Variants in LRTM1 observed in about 807,000 individuals in gnomAD.
LRTM1 encodes leucine rich repeat transmembrane protein 1.
In LRTM1, 38 loss-of-function variants were observed where a neutral mutation model predicts 32.4. The ratio of observed to expected loss-of-function variants is 1.17; its 90% CI spans 0.91 to 1.54. LRTM1 has a LOEUF of 1.54. Among genes scored for constraint, LRTM1 ranks in the 40% most tolerant of loss-of-function variants. LRTM1 has a pLI of 0.00. For missense variants in LRTM1, 466 were observed against 415.4 expected (o/e 1.12, Z -1.06); for synonymous variants, 186 against 169.9 (o/e 1.09, Z -0.74).
intron 1 of LRTM1, among the ~76,000 whole-genome samples, chr3:54,960,961 T>A (rs763613356): frequency 2.1e-4 from 32 of 152,354 alleles, no homozygotes; most frequent in Non-Finnish European, 3.2e-4. Context: ...TCCTTGATGC[T>A]CCAGAACAGT....
Position 54,918,351 on chromosome 3 carries a change from T to TG in LRTM1, c.*107_*108insC. 6.9e-6 allele frequency: 3 copies of TG among 434,984 alleles called. No individual in the cohort carries two copies. The highest frequency in any genetic ancestry group is 6.1e-5 in the South Asian group (1 of 16,300). 26.9% of individuals were successfully genotyped at this position (434,984 alleles called of 1,614,324 possible). A position where few individuals can be genotyped will look rare whatever the true frequency, so the allele number is the denominator to read the frequency against. On this transcript the variant is annotated 3_prime_UTR_variant, in exon 3 of 3. Transcript: ENST00000273286. ...TTTTTTCTTTTTTTTTTTTTTTTTT[T>TG]TTTTGTCTTTTGGCAAAAGCAAAAT...
intron 2 of LRTM1, among the ~76,000 whole-genome samples, chr3:54,922,695 G>A (rs1700888698): frequency 6.6e-6 from 1 of 152,052 alleles, no homozygotes; most frequent in Non-Finnish European, 1.5e-5. Flanking sequence ...ACATCTTCCT[G>A]AGCTTCGGGC....
At chr3:54,940,182 C>G (rs1008172241) in intron 1 of LRTM1, among the ~76,000 whole-genome samples, 1 of 152,156 alleles carries the variant, frequency 6.6e-6, no homozygotes, top group Non-Finnish European at 1.5e-5. Context: ...TGCCTGGAGA[C>G]AGATTAGCTA....
chr3:54,957,579 A>G (rs1370745254), intron 1 of LRTM1, among the ~76,000 whole-genome samples: 1 of 152,214 alleles, frequency 6.6e-6, no homozygotes, highest in African/African-American at 2.4e-5. Flanking sequence ...CTAAAATGAC[A>G]GAGCCTTGAG....
chr3:54,932,228 C>T (rs1202104532), upstream of LRTM1, among the ~76,000 whole-genome samples: 1 of 152,016 alleles, frequency 6.6e-6, no homozygotes, highest in East Asian at 1.9e-4. Context: ...TAAATATACC[C>T]ATCTGGGAGA....
At chr3:54,947,197 C>G (rs1486311807) in intron 1 of LRTM1, among the ~76,000 whole-genome samples, 1 of 152,136 alleles carries the variant, frequency 6.6e-6, no homozygotes, top group South Asian at 2.1e-4. Context: ...AAGTAACTTG[C>G]CTAAATCCCT....
Position 54,918,577 on chromosome 3 carries a change from G to A in LRTM1, c.920C>T (p.Ala307Val). ...GIVCLMMLAAAIYGCTYAAIT... is the reference protein window; with the variant it reads ...GIVCLMMLAAVIYGCTYAAIT... Reference sequence around the variant, plus strand: ...TGCCGCATAGGTGCAGCCATAGATGGCAGCTGCCAACATCATGAGACACAC... The same window carrying A: ...TGCCGCATAGGTGCAGCCATAGATGACAGCTGCCAACATCATGAGACACAC... Residue 307 changes from alanine to valine, a missense_variant, in exon 3 of 3, where the codon GCC becomes GTC. Ala to Val is a moderately conservative substitution (Grantham distance 64). Transcript: ENST00000273286. The A allele has an allele frequency of 6.2e-7, 1 of 1,614,080 alleles. No individual in the cohort carries two copies. The highest frequency in any genetic ancestry group is 8.5e-7 in the Non-Finnish European group (1 of 1,179,992).
At chr3:54,937,251 T>C (rs1056764050) in intron 1 of LRTM1, among the ~76,000 whole-genome samples, 13 of 152,168 alleles carry the variant, frequency 8.5e-5, no homozygotes, top group African/African-American at 2.9e-4. Context: ...TGTTTGGGAA[T>C]GTCATAGGCA....
intron 1 of LRTM1, among the ~76,000 whole-genome samples, chr3:54,966,637 G>A (rs1243546389): frequency 6.6e-6 from 1 of 152,108 alleles, no homozygotes; most frequent in Non-Finnish European, 1.5e-5. Context: ...TGGCTAACAT[G>A]GTGAAACTTC....
intron 1 of LRTM1, among the ~76,000 whole-genome samples, chr3:54,935,018 A>G (rs188062593): frequency 6.6e-6 from 1 of 152,350 alleles, no homozygotes; most frequent in East Asian, 1.9e-4. Context: ...GACTGCAGGC[A>G]TGAGCCATGG....
At chr3:54,949,584 G>A (rs368274073) in intron 1 of LRTM1, among the ~76,000 whole-genome samples, 4 of 152,274 alleles carry the variant, frequency 2.6e-5, no homozygotes, top group African/African-American at 9.6e-5. Context: ...TACCCAAGGG[G>A]CAGCACTGGA....
At chr3:54,931,079 G>A (rs1281468693), upstream of LRTM1, among the ~76,000 whole-genome samples, 1 of 152,218 alleles carries the variant, frequency 6.6e-6, no homozygotes, top group East Asian at 1.9e-4. Flanking sequence ...CTGGGTGACA[G>A]AGTGAGACTC....
chr3:54,952,855 A>G (rs978988848), intron 1 of LRTM1, among the ~76,000 whole-genome samples: 16 of 152,150 alleles, frequency 1.1e-4, no homozygotes, highest in Admixed American at 2.0e-4. Flanking sequence ...TTACAAATTC[A>G]GCAGAGTTGG....
At chr3:54,937,365 C>T (rs1358600752) in intron 1 of LRTM1, among the ~76,000 whole-genome samples, 4 of 152,188 alleles carry the variant, frequency 2.6e-5, no homozygotes, top group Non-Finnish European at 5.9e-5. Context: ...ATACAGTTGT[C>T]CCTCGGTATA....
At position 54,927,962 on chromosome 3, in the gene LRTM1, T is replaced by A. The variant is rs745724659; in HGVS notation, c.-51A>T. 6.5e-5 allele frequency: 103 copies of A among 1,588,638 alleles called. No homozygotes were observed. Among genetic ancestry groups the A allele is most frequent in the Non-Finnish European group, 8.7e-5 (101 of 1,157,190 alleles). On this transcript the variant is annotated 5_prime_UTR_variant, in exon 1 of 3. Transcript: ENST00000273286. ...CTGACCTCGTAGACCCTTTAATTAA[T>A]GTGCAGAGCAACACACGAAGGGCAT...
intron 1 of LRTM1, among the ~76,000 whole-genome samples, chr3:54,952,282 A>G (rs1575402701): frequency 6.6e-6 from 1 of 152,280 alleles, no homozygotes; most frequent in South Asian, 2.1e-4. Flanking sequence ...GGTTTCCTAG[A>G]AACTAAGCCC....
intron 1 of LRTM1, among the ~76,000 whole-genome samples, chr3:54,957,299 A>T (rs1199757860): frequency 6.6e-6 from 1 of 151,930 alleles, no homozygotes; most frequent in Non-Finnish European, 1.5e-5. Context: ...GGTGTACGCC[A>T]CTGCACTCAG....
intron 1 of LRTM1, among the ~76,000 whole-genome samples, chr3:54,957,778 C>T (rs993018740): frequency 2.0e-5 from 3 of 152,120 alleles, no homozygotes; most frequent in Non-Finnish European, 4.4e-5. Context: ...CATCTCTCAC[C>T]CGGTAGGATG....
intron 1 of LRTM1, among the ~76,000 whole-genome samples, chr3:54,951,467 G>T (rs191024662): frequency 6.6e-6 from 1 of 152,330 alleles, no homozygotes; most frequent in East Asian, 1.9e-4. Flanking sequence ...GCGGCCCGGG[G>T]GCAGTGGGGT....
Sources: allele counts gnomAD v4.1 joint callset (sites outside exome capture counted in the v4.1 genomes callset), GRCh38; gene constraint gnomAD v4.1.1; transcripts MANE v1.5; gene names NCBI Gene and HGNC (gene_info 2026-07-23, HGNC 2026-07-21).